Variants in GSDME observed in about 807,000 individuals in gnomAD.
GSDME encodes gasdermin E.
GSDME carries 44 observed loss-of-function variants against 47.5 expected under a neutral mutation model. The ratio of observed to expected loss-of-function variants is 0.93; its 90% confidence interval spans 0.73 to 1.19. The LOEUF is 1.19. Among genes scored for constraint, GSDME ranks in the 50% most tolerant of loss-of-function variants. The pLI, the probability that GSDME is intolerant of heterozygous loss-of-function variation, is 0.00. For missense variants in GSDME, 663 were observed against 604.2 expected (o/e 1.10, Z -1.02); for synonymous variants, 258 against 252.8 (o/e 1.02, Z -0.20).
rs746092419 is a variant in GSDME, at chr7:24,717,263, C to G, written c.688G>C (p.Gly230Arg). ...GVIELYVKLD[G>R]QFEFCLLRGK... Reference sequence around the variant, plus strand: ...AGGAGGTGGCACTCACCGAACTGGCCGTCCAGTTTCACGTATAACTCAATG... The same window carrying G: ...AGGAGGTGGCACTCACCGAACTGGCGGTCCAGTTTCACGTATAACTCAATG... Residue 230 changes from glycine (G) to arginine (R), a missense_variant, in exon 5 of 10, where the codon GGC (glycine) becomes CGC (arginine). Transcript: ENST00000645220. 6.2e-7 allele frequency: 1 copy of G among 1,612,724 alleles called. No homozygotes were observed. Among genetic ancestry groups the G allele is most frequent in the East Asian group, 2.2e-5 (1 of 44,856 alleles).
chr7:24,753,822 G>T (rs1562718418), intron 1 of GSDME, among the ~76,000 whole-genome samples: 1 of 152,094 alleles, frequency 6.6e-6, no homozygotes. Context: ...TTATTTCCAG[G>T]AATGTTTGAT....
chr7:24,707,418 T>C (rs563023832), intron 7 of GSDME: 9 of 471,690 alleles, frequency 1.9e-5, no homozygotes, highest in Admixed American at 1.4e-4. Context: ...CCCCAGGATA[T>C]CCTTCTGCTG....
At chr7:24,715,292 A>G (rs1339000952) in intron 5 of GSDME, among the ~76,000 whole-genome samples, 1 of 152,192 alleles carries the variant, frequency 6.6e-6, no homozygotes, top group African/African-American at 2.4e-5. Context: ...ATTATAGCTA[A>G]TAGTACTGCA....
chr7:24,717,253 C>A lies in GSDME; in HGVS notation c.697+1G>T. ...CAGCACCCATAGGAGGTGGCACTCACCGAACTGGCCGTCCAGTTTCACGTA... is the reference window on the plus strand; with the variant it reads ...CAGCACCCATAGGAGGTGGCACTCAACGAACTGGCCGTCCAGTTTCACGTA... On this transcript the variant is annotated splice_donor_variant, in intron 5 of 9. Coordinates refer to ENST00000645220, the MANE Select transcript of GSDME (RefSeq NM_001127453.2). LOFTEE classifies it high-confidence loss of function. 6.5e-7 allele frequency: 1 copy of A among 1,546,684 alleles called. No homozygotes were observed. Among genetic ancestry groups the A allele is most frequent in the South Asian group, 1.2e-5 (1 of 86,670 alleles).
Position 24,698,866 on chromosome 7 carries a change from G to C in GSDME, c.*160C>G. On this transcript the variant is annotated 3_prime_UTR_variant, in exon 10 of 10. Transcript: ENST00000645220. ...AAGGAAAACTGTTTAAAGAGTACCT[G>C]GTGGCTAAAAGTCAGGTCATTCATC... 1.5e-6 allele frequency: 1 copy of C among 680,748 alleles called. No homozygotes were observed. Among genetic ancestry groups the C allele is most frequent in the Non-Finnish European group, 2.7e-6 (1 of 376,526 alleles). 42.2% of individuals were successfully genotyped at this position (680,748 alleles called of 1,614,324 possible). A position where few individuals can be genotyped will look rare whatever the true frequency, so the allele number is the denominator to read the frequency against.
chr7:24,718,939 T>G (rs999670850), intron 4 of GSDME, 108 bp downstream of exon 4: 10 of 1,274,794 alleles, frequency 7.8e-6, no homozygotes, highest in Non-Finnish European at 1.0e-5. Flanking sequence ...TTCTGTTAAC[T>G]TGCTACGGAA....
chr7:24,704,281 C>T (rs1169764159), intron 8 of GSDME: 15 of 152,176 alleles, frequency 9.9e-5, no homozygotes, highest in Admixed American at 9.8e-4. Flanking sequence ...GAGTTGAGAC[C>T]TTTGGAGTTG....
intron 7 of GSDME, among the ~76,000 whole-genome samples, chr7:24,706,723 C>A (rs1398579874): frequency 2.0e-5 from 3 of 152,250 alleles, no homozygotes; most frequent in Non-Finnish European, 4.4e-5. Flanking sequence ...TCTTGGTTCT[C>A]ATGCGTTAAG....
At chr7:24,786,532 T>C in the GSDME span, among the ~76,000 whole-genome samples, 2 of 151,988 alleles carry the variant, frequency 1.3e-5, no homozygotes, top group Non-Finnish European at 2.9e-5. This position sits in a 1 kb window ranked among gnomAD's most constrained non-coding sequence, Gnocchi z 5.5. Context: ...GCTTTCGGAG[T>C]GGGGTTGCAA....
intron 3 of GSDME, among the ~76,000 whole-genome samples, chr7:24,734,775 A>G (rs1790249442): frequency 6.6e-6 from 1 of 151,438 alleles, no homozygotes; most frequent in Non-Finnish European, 1.5e-5. Flanking sequence ...AAGAATGAAA[A>G]AGAATGAAAT....
At position 24,710,557 on chromosome 7, in the gene GSDME, C is replaced by G. The variant is rs1375994031; in HGVS notation, c.698-169G>C. 27 of 642,466 alleles carry G rather than the reference C, an allele frequency of 4.2e-5. No individual in the cohort carries two copies. The East Asian group carries it at 6.6e-4, about 16-fold the overall frequency. 39.8% of individuals were successfully genotyped at this position (642,466 alleles called of 1,614,324 possible). A position where few individuals can be genotyped will look rare whatever the true frequency, so the allele number is the denominator to read the frequency against. On this transcript the variant is annotated intron_variant, in intron 5 of 9. Coordinates refer to ENST00000645220, the MANE Select transcript of GSDME (RefSeq NM_001127453.2). The stretch of plus-strand genomic sequence containing the variant: ...TTCGATCCCTACACACATTATGTTG[C>G]TTGACCAAAAGCCCAGCCACTTCCA...
In GSDME at chr7:24,705,858, G is replaced by C; in HGVS notation, c.1183+326C>G. 2.4e-6 allele frequency: 1 copy of C among 423,918 alleles called. No individual in the cohort carries two copies. The highest frequency in any genetic ancestry group is 2.1e-5 in the South Asian group (1 of 46,628). The allele number at this position is 423,918 out of a possible 1,614,324, so 26.3% of individuals were successfully genotyped here. A position where few individuals can be genotyped will look rare whatever the true frequency, so the allele number is the denominator to read the frequency against. On this transcript the variant is annotated intron_variant, in intron 8 of 9. Transcript: ENST00000645220. The surrounding 1 kb of genome is among the most constrained non-coding windows in gnomAD (Gnocchi z 4.1). ...AAGTTGCTGCCACTCAGCTCTGCTG[G>C]GACTCCGGAGTGAACCACAGCCTGT... is the stretch of plus-strand genomic sequence containing the variant.
At chr7:24,700,647 T>A (rs372614482) in intron 9 of GSDME, among the ~76,000 whole-genome samples, 2 of 152,120 alleles carry the variant, frequency 1.3e-5, no homozygotes, top group East Asian at 3.9e-4. Flanking sequence ...AAAATCAGCC[T>A]CACGAACCTT....
At chr7:24,780,818 G>C in the GSDME span, among the ~76,000 whole-genome samples, 1 of 152,140 alleles carries the variant, frequency 6.6e-6, no homozygotes, top group East Asian at 1.9e-4. This position sits in a 1 kb window ranked among gnomAD's most constrained non-coding sequence, Gnocchi z 4.1. Flanking sequence ...AGCCTAGTAG[G>C]ATCTAGAAGA....
chr7:24,794,289 CTCTTT>C, the GSDME span, among the ~76,000 whole-genome samples: 1 of 122,202 alleles, frequency 8.2e-6, no homozygotes, highest in Non-Finnish European at 1.6e-5. Flanking sequence ...TCCTCTCTCT[CTCTTT>C]CTCTCCTCTC....
upstream of GSDME, among the ~76,000 whole-genome samples, chr7:24,760,745 C>T (rs60689505): frequency 0.021 from 3,193 of 152,234 alleles, 106 homozygotes; most frequent in African/African-American, 0.072. The surrounding 1 kb of genome is among the most constrained non-coding windows in gnomAD (Gnocchi z 4.2). Flanking sequence ...ATTTCATTTA[C>T]CTCCCTAAAT....
At chr7:24,779,987 A>T in the GSDME span, among the ~76,000 whole-genome samples, 1 of 152,282 alleles carries the variant, frequency 6.6e-6, no homozygotes, top group East Asian at 1.9e-4. The surrounding 1 kb of genome is among the most constrained non-coding windows in gnomAD (Gnocchi z 6.0). Flanking sequence ...GTCTAGGCTC[A>T]GCCTGATCAG....
At chr7:24,766,942 T>C in the GSDME span, among the ~76,000 whole-genome samples, 2 of 152,228 alleles carry the variant, frequency 1.3e-5, no homozygotes, top group South Asian at 4.1e-4. This position sits in a 1 kb window ranked among gnomAD's most constrained non-coding sequence, Gnocchi z 4.2. Context: ...CGTTCCTATT[T>C]CTCCACATCC....
At chr7:24,790,558 TC>T in the GSDME span, among the ~76,000 whole-genome samples, 1 of 152,152 alleles carries the variant, frequency 6.6e-6, no homozygotes, top group Non-Finnish European at 1.5e-5. The surrounding 1 kb of genome is among the most constrained non-coding windows in gnomAD (Gnocchi z 4.1). Context: ...TGCCCACATA[TC>T]CAGTATAATC....
Sources: gnomAD v4.1 joint callset for allele counts (sites outside exome capture counted in the v4.1 genomes callset) on GRCh38, gnomAD v4.1.1 for gene constraint, Gnocchi (gnomAD v3.1) non-coding constraint, MANE v1.5 for transcripts, NCBI Gene and HGNC (gene_info 2026-07-23, HGNC 2026-07-21) for gene names.